The following PAQR5 variants were observed in gnomAD, a reference collection of about 807,000 sequenced individuals.
The protein encoded by PAQR5 is progestin and adipoQ receptor family member 5.
PAQR5 carries 20 observed loss-of-function variants against 34.5 expected under a neutral mutation model. The ratio of observed to expected loss-of-function variants is 0.58; its 90% CI spans 0.41 to 0.84. The LOEUF is 0.84. PAQR5 is among the 40% of genes least tolerant of loss of function. PAQR5 has a pLI of 0.00. For synonymous variants in PAQR5, 131 were observed against 155.6 expected, an observed-to-expected ratio of 0.84 and a Z score of 1.18; for missense variants, 378 against 412.7, an observed-to-expected ratio of 0.92 and a Z score of 0.73.
At position 69,326,819 on chromosome 15, in the gene PAQR5, C is replaced by T. The variant is rs754382198; in HGVS notation, c.-276-10522C>T. 4.3e-4 allele frequency among the ~76,000 whole-genome samples: 8 copies of T among 18,506 alleles called. No homozygotes were observed. In the Non-Finnish European group the frequency reaches 6.2e-3, roughly 14 times the overall value. The allele number at this position is 18,506 out of a possible 152,430, so 12.1% of individuals were successfully genotyped here. A position where few individuals can be genotyped will look rare whatever the true frequency, so the allele number is the denominator to read the frequency against. On this transcript the variant is annotated intron_variant, in intron 1 of 8. Coordinates refer to ENST00000395407, the MANE Select transcript of PAQR5 (RefSeq NM_017705.4). ...GTGCAGAAGGTAATTTCCATTCCCTCCCTCCCCACCCCCGTTATTAACATC... is the reference window on the plus strand; with the variant it reads ...GTGCAGAAGGTAATTTCCATTCCCTTCCTCCCCACCCCCGTTATTAACATC...
At chr15:69,365,662 C>G (rs2055383336) in intron 3 of PAQR5, among the ~76,000 whole-genome samples, 1 of 152,108 alleles carries the variant, frequency 6.6e-6, no homozygotes, top group African/African-American at 2.4e-5. Context: ...CTTATGCTGT[C>G]CTTGCCTGGA....
intron 1 of PAQR5, among the ~76,000 whole-genome samples, chr15:69,327,913 G>A (rs2054290402): frequency 6.6e-6 from 1 of 152,054 alleles, no homozygotes; most frequent in Non-Finnish European, 1.5e-5. Context: ...CGAGTAGTTG[G>A]GATTACAGGC....
At chr15:69,303,789 G>A (rs995816502) in intron 1 of PAQR5, among the ~76,000 whole-genome samples, 1 of 152,218 alleles carries the variant, frequency 6.6e-6, no homozygotes, top group Non-Finnish European at 1.5e-5. Context: ...AATCTGGCAA[G>A]AGAGCCTAGA....
At chr15:69,316,095 T>C (rs1243062657) in intron 1 of PAQR5, among the ~76,000 whole-genome samples, 1 of 152,190 alleles carries the variant, frequency 6.6e-6, no homozygotes, top group Non-Finnish European at 1.5e-5. Context: ...TTTTTTTATT[T>C]TTTTGAAACA....
chr15:69,390,836 T>C (rs1193608198), intron 6 of PAQR5, among the ~76,000 whole-genome samples: 1 of 152,148 alleles, frequency 6.6e-6, no homozygotes, highest in African/African-American at 2.4e-5. Flanking sequence ...ACTGTTTTTT[T>C]TTTTTTTCTT....
At chr15:69,362,987 G>GC (rs986249904) in intron 3 of PAQR5, among the ~76,000 whole-genome samples, 1 of 152,120 alleles carries the variant, frequency 6.6e-6, no homozygotes, top group African/African-American at 2.4e-5. Context: ...CCCAACCTTT[G>GC]CTCCCCCTTT....
In PAQR5 at chr15:69,360,060, C is replaced by T. The variant is rs199828811; in HGVS notation, c.-21C>T. The T allele has an allele frequency of 2.5e-6, 4 of 1,611,220 alleles. No homozygotes were observed. Among genetic ancestry groups the T allele is most frequent in the East Asian group, 4.5e-5 (2 of 44,826 alleles). On this transcript the variant is annotated 5_prime_UTR_variant, in exon 3 of 9. Coordinates refer to ENST00000395407, the MANE Select transcript of PAQR5 (RefSeq NM_017705.4). ...ACAGGGAGGCGCTGTCACCTACTGG[C>T]CTTGCCAATCCAGCTCCAAGATGCT...
rs2053578922 is a variant in PAQR5 at position 69,300,937 on chromosome 15, C to CTCTCTTTCCT, written c.-277+1884_-277+1885insCTTTCCTTCT. On this transcript the variant is annotated intron_variant, in intron 1 of 8. Transcript: ENST00000395407. ...CCTTTCTCTCTCTCTCTCTCTCTCT[C>CTCTCTTTCCT]TCTTTCTTTCCTTCTTTCTTTCTTT... Among the ~76,000 whole-genome samples, 11 of 5,188 alleles carry CTCTCTTTCCT rather than the reference C, an allele frequency of 2.1e-3. 4 individuals carry two copies. Among genetic ancestry groups the CTCTCTTTCCT allele is most frequent in the Non-Finnish European group, 7.2e-3 (8 of 1,108 alleles). 3.4% of individuals were successfully genotyped at this position (5,188 alleles called of 152,430 possible).
intron 2 of PAQR5, among the ~76,000 whole-genome samples, chr15:69,356,849 T>C (rs1002125418): frequency 1.3e-5 from 2 of 152,200 alleles, no homozygotes; most frequent in African/African-American, 4.8e-5. Context: ...TAATATTCCA[T>C]TGTATGTATA....
chr15:69,306,412 CTTT>C (rs34752383), intron 1 of PAQR5, among the ~76,000 whole-genome samples: 3,186 of 127,554 alleles, frequency 0.025, 96 homozygotes, highest in African/African-American at 0.086. Context: ...ACCATTTAAC[CTTT>C]TTTTTTTTTT....
intron 1 of PAQR5, among the ~76,000 whole-genome samples, chr15:69,302,353 G>A (rs1415830841): frequency 6.6e-6 from 1 of 152,042 alleles, no homozygotes; most frequent in Non-Finnish European, 1.5e-5. Flanking sequence ...GATTACAGGT[G>A]TGATCCACCA....
chr15:69,392,688 A>G (rs76401999), intron 6 of PAQR5, among the ~76,000 whole-genome samples: 3,204 of 152,204 alleles, frequency 0.021, 117 homozygotes, highest in African/African-American at 0.073. Flanking sequence ...AGCAGGAGGG[A>G]GTGTAATGTA....
At chr15:69,352,321 C>T (rs553859594) in intron 2 of PAQR5, among the ~76,000 whole-genome samples, 9 of 152,252 alleles carry the variant, frequency 5.9e-5, no homozygotes, top group East Asian at 1.9e-4. Flanking sequence ...ACCTGAGCTG[C>T]GTATCATGAA....
At chr15:69,309,930 C>G (rs1212197232) in intron 1 of PAQR5, among the ~76,000 whole-genome samples, 2 of 152,074 alleles carry the variant, frequency 1.3e-5, no homozygotes, top group Non-Finnish European at 2.9e-5. Context: ...TGCCTGTAAT[C>G]TCAGCTACTT....
At chr15:69,324,338 A>G (rs1215464118) in intron 1 of PAQR5, among the ~76,000 whole-genome samples, 1 of 152,126 alleles carries the variant, frequency 6.6e-6, no homozygotes, top group Non-Finnish European at 1.5e-5. Context: ...CACAGGAGAG[A>G]GCATTAATGC....
At chr15:69,320,389 C>T (rs987852034) in intron 1 of PAQR5, among the ~76,000 whole-genome samples, 4 of 152,144 alleles carry the variant, frequency 2.6e-5, no homozygotes, top group Middle Eastern at 3.2e-3. Flanking sequence ...GGGGTTCGGC[C>T]TGGGCATTAG....
At chr15:69,333,030 T>C (rs923152457) in intron 1 of PAQR5, among the ~76,000 whole-genome samples, 4 of 152,110 alleles carry the variant, frequency 2.6e-5, no homozygotes, top group Non-Finnish European at 5.9e-5. Context: ...AAACAAGCAA[T>C]AGGTATATTT....
intron 6 of PAQR5, among the ~76,000 whole-genome samples, chr15:69,390,239 C>A (rs1172989500): frequency 6.6e-6 from 1 of 152,190 alleles, no homozygotes; most frequent in Non-Finnish European, 1.5e-5. Flanking sequence ...TGGTCTGGAA[C>A]TCCTGACTGC....
chr15:69,403,508 T>C (rs1261960820), intron 8 of PAQR5, 73 bp from the exon 9 acceptor site: 7 of 1,424,836 alleles, frequency 4.9e-6, no homozygotes, highest in Non-Finnish European at 6.8e-6. Flanking sequence ...ATTTTTAGCA[T>C]GAATGCCATA....
Sources: allele counts gnomAD v4.1 joint callset (sites outside exome capture counted in the v4.1 genomes callset), GRCh38; gene constraint gnomAD v4.1.1; transcripts MANE v1.5; gene names NCBI Gene and HGNC (gene_info 2026-07-23, HGNC 2026-07-21).